Variants in PKD2 observed in about 807,000 individuals in gnomAD.
The protein encoded by PKD2 is polycystin-2.
In PKD2, 48 loss-of-function variants were observed where a neutral mutation model predicts 105.9. The ratio of observed to expected loss-of-function variants is 0.45; its 90% CI spans 0.36 to 0.58. PKD2 has a LOEUF of 0.58. Ranked by LOEUF, PKD2 falls within the 20% of genes least tolerant of loss-of-function variation. The pLI is 0.00. For synonymous variants in PKD2, 464 were observed against 481.1 expected, an observed-to-expected ratio of 0.96 and a Z score of 0.46; for missense variants, 1,078 against 1,255.3, an observed-to-expected ratio of 0.86 and a Z score of 2.13.
rs773576285 is a variant in PKD2, at chr4:88,074,976, T to G, written c.2670+17T>G. ...GTGGCCGAGGTCAGTAGTCATGAGCTGAAAACACCGCTGCTGAGCATGGTG... is the reference window on the plus strand; with the variant it reads ...GTGGCCGAGGTCAGTAGTCATGAGCGGAAAACACCGCTGCTGAGCATGGTG... On this transcript the variant is annotated intron_variant, in intron 14 of 14. Transcript: ENST00000237596. The G allele has an allele frequency of 6.2e-7, 1 of 1,613,314 alleles. No homozygotes were observed. Among genetic ancestry groups the G allele is most frequent in the South Asian group, 1.1e-5 (1 of 91,060 alleles).
intron 7 of PKD2, among the ~76,000 whole-genome samples, chr4:88,054,650 C>CT (rs1184325520): frequency 0.14 from 11,041 of 81,382 alleles, 1,405 homozygotes; most frequent in African/African-American, 0.41. Flanking sequence ...CATGACTCTA[C>CT]TTTTTTTTTT....
intron 9 of PKD2, among the ~76,000 whole-genome samples, chr4:88,060,542 G>A (rs912660887): frequency 2.0e-5 from 3 of 151,944 alleles, no homozygotes; most frequent in African/African-American, 7.3e-5. Context: ...CAGTACTGGG[G>A]TAAGGAAAAC....
At chr4:88,031,546 A>G (rs1187403991) in intron 2 of PKD2, among the ~76,000 whole-genome samples, 1 of 150,382 alleles carries the variant, frequency 6.6e-6, no homozygotes, top group Non-Finnish European at 1.5e-5. Context: ...TACTGTCTTT[A>G]TATATCTAGT....
In PKD2 at chr4:88,075,464, A is replaced by G. The variant is rs2110151535; in HGVS notation, c.2677A>G (p.Arg893Gly). 6.2e-7 allele frequency: 1 copy of G among 1,613,514 alleles called. No homozygotes were observed. The highest frequency in any genetic ancestry group is 2.2e-5 in the East Asian group (1 of 44,880). ...TTTCTTTTTCCCTTTTTAGGATGAA[A>G]GGCTGGGTCGTGACAGTGAAATCCA... ...RLLDGVAEDE[R>G]LGRDSEIHRE... The change falls in exon 15 of 15, where the codon AGG (arginine) becomes GGG (glycine). Residue 893 changes from arginine to glycine, a missense_variant. Transcript: ENST00000237596.
At position 88,060,710 on chromosome 4, in the gene PKD2, C is replaced by T. The variant is rs143804398; in HGVS notation, c.2020-1196C>T. 3.4e-3 allele frequency among the ~76,000 whole-genome samples: 521 copies of T among 152,020 alleles called. 3 individuals are homozygous for T. Among genetic ancestry groups the T allele is most frequent in the African/African-American group, 0.011 (475 of 41,474 alleles). On this transcript the variant is annotated intron_variant, in intron 9 of 14. Transcript: ENST00000237596. ...ACCTGATCTCCTGGATACAGTGCTTCGAGAAAGTTTGTTGTTGGAAATGCA... is the reference window on the plus strand; with the variant it reads ...ACCTGATCTCCTGGATACAGTGCTTTGAGAAAGTTTGTTGTTGGAAATGCA...
Position 88,007,816 on chromosome 4 carries a change from G to T in PKD2, c.83G>T (p.Arg28Leu). The T allele has an allele frequency of 8.5e-7, 1 of 1,173,706 alleles. No individual in the cohort carries two copies. The highest frequency in any genetic ancestry group is 1.0e-6 in the Non-Finnish European group (1 of 952,812). 72.7% of individuals were successfully genotyped at this position (1,173,706 alleles called of 1,614,324 possible). A position where few individuals can be genotyped will look rare whatever the true frequency, so the allele number is the denominator to read the frequency against. The change falls in exon 1 of 15, where the codon CGG (arginine) becomes CTG (leucine). Residue 28 changes from arginine to leucine, a missense_variant. Physicochemically the swap from Arg to Leu is moderately radical, Grantham distance 102. This residue lies in a region of PKD2 where 210 missense variants were observed against 187.9 expected (regional missense o/e 1.12). Coordinates refer to ENST00000237596, the MANE Select transcript of PKD2 (RefSeq NM_000297.4). ...PPAPRAPDPGRLMAGCAAVGA... is the reference protein window; with the variant it reads ...PPAPRAPDPGLLMAGCAAVGA... ...GCGCCCCGCGCGCCGGACCCGGGCC[G>T]GCTGATGGCTGGCTGCGCGGCCGTG...
chr4:88,046,962 T>C (rs1201547253), intron 6 of PKD2, 92 bp downstream of exon 6: 1 of 815,992 alleles, frequency 1.2e-6, no homozygotes, highest in Non-Finnish European at 2.2e-6. Flanking sequence ...GATCTTGATA[T>C]TCCCAAAAAA....
At chr4:88,016,546 C>T (rs1726567634) in intron 1 of PKD2, among the ~76,000 whole-genome samples, 1 of 152,164 alleles carries the variant, frequency 6.6e-6, no homozygotes, top group Admixed American at 6.5e-5. Context: ...TTCTCACCCA[C>T]CAGGATGTAA....
chr4:88,040,622 C>T (rs1727524205), intron 4 of PKD2, among the ~76,000 whole-genome samples: 1 of 152,196 alleles, frequency 6.6e-6, no homozygotes, highest in Non-Finnish European at 1.5e-5. Flanking sequence ...TTGCTTTTGA[C>T]ATCTCACCAG....
chr4:88,030,783 T>C (rs1325346127), intron 2 of PKD2, among the ~76,000 whole-genome samples: 1 of 152,240 alleles, frequency 6.6e-6, no homozygotes, highest in Non-Finnish European at 1.5e-5. Context: ...GGGATGCAGC[T>C]GTGCACCTCT....
At position 88,061,748 on chromosome 4, in the gene PKD2, A is replaced by T. The variant is rs531054074; in HGVS notation, c.2020-158A>T. ...GTGAGACTCTGTCTCAAAAAAAAAAATTTTTTTTTAAATAAATAAATAATA... is the reference window on the plus strand; with the variant it reads ...GTGAGACTCTGTCTCAAAAAAAAAATTTTTTTTTTAAATAAATAAATAATA... On this transcript the variant is annotated intron_variant, in intron 9 of 14. Coordinates refer to ENST00000237596, the MANE Select transcript of PKD2 (RefSeq NM_000297.4). Among the ~76,000 whole-genome samples, 386 of 147,282 alleles carry T rather than the reference A, an allele frequency of 2.6e-3. 1 individual carries two copies. The highest frequency in any genetic ancestry group is 8.4e-3 in the African/African-American group (340 of 40,362).
At chr4:88,047,031 G>T (rs1727800644) in intron 6 of PKD2, among the ~76,000 whole-genome samples, 161 bp downstream of exon 6, 1 of 152,120 alleles carries the variant, frequency 6.6e-6, no homozygotes, top group Admixed American at 6.5e-5. Context: ...TTCTCATTTT[G>T]CATGAGTAAC....
chr4:88,056,890 C>G (rs1309752916), intron 8 of PKD2, among the ~76,000 whole-genome samples: 4 of 152,192 alleles, frequency 2.6e-5, no homozygotes, highest in African/African-American at 9.6e-5. Flanking sequence ...GCACTGACAA[C>G]ACTTGGCCAC....
rs369678636 is a variant in PKD2 at position 88,074,822 on chromosome 4, C to T, written c.2533C>T (p.Arg845Ter). ...GTGTTTTCCTTGCAGCCTGGTGAGA[C>T]GAGTGGACCGGATGGAGCATTCCAT... ...SYEEFQVLVR[R>*]VDRMEHSIGS... The change falls in exon 14 of 15, where the codon CGA becomes TGA. Residue 845 changes from arginine (R) to a stop codon, truncating the protein, a stop_gained. Transcript: ENST00000237596. LOFTEE classifies it high-confidence loss of function. 3.1e-6 allele frequency: 5 copies of T among 1,613,878 alleles called. No individual in the cohort carries two copies. The highest frequency in any genetic ancestry group is 3.3e-5 in the Admixed American group (2 of 59,982).
At chr4:88,070,046 G>T (rs1437282992) in intron 13 of PKD2, among the ~76,000 whole-genome samples, 1 of 152,136 alleles carries the variant, frequency 6.6e-6, no homozygotes, top group Non-Finnish European at 1.5e-5. Flanking sequence ...TTACTATCTG[G>T]AGTCACTTGC....
chr4:88,046,881 G>C lies in PKD2; in HGVS notation c.1548+11G>C. 7.0e-7 allele frequency: 1 copy of C among 1,437,560 alleles called. No individual in the cohort carries two copies. Among genetic ancestry groups the C allele is most frequent in the Non-Finnish European group, 9.8e-7 (1 of 1,019,038 alleles). 89.1% of individuals were successfully genotyped at this position (1,437,560 alleles called of 1,614,324 possible). On this transcript the variant is annotated intron_variant, in intron 6 of 14. Coordinates refer to ENST00000237596, the MANE Select transcript of PKD2 (RefSeq NM_000297.4). ...GTTGTGATCGTTGTGGTAGGTTTGA[G>C]AACAACACCAAATTTCCTATTCTAT...
chr4:88,057,467 G>A (rs1343884171), intron 8 of PKD2, among the ~76,000 whole-genome samples: 6 of 139,134 alleles, frequency 4.3e-5, no homozygotes, highest in South Asian at 2.2e-4. Context: ...ATGGAGTCTC[G>A]TTCCATCGCC....
chr4:88,008,636 T>G (rs1429168606), intron 1 of PKD2, among the ~76,000 whole-genome samples: 1 of 144,944 alleles, frequency 6.9e-6, no homozygotes, highest in African/African-American at 2.6e-5. Context: ...CTGGGTTTTG[T>G]TTTTTTTTTT....
intron 1 of PKD2, among the ~76,000 whole-genome samples, chr4:88,018,584 A>G (rs2728113): frequency 0.09 from 13,653 of 152,202 alleles, 940 homozygotes; most frequent in East Asian, 0.26. Flanking sequence ...GTAACCAGCA[A>G]TGTGACTTTA....
Sources: gnomAD v4.1 joint callset for allele counts (sites outside exome capture counted in the v4.1 genomes callset) on GRCh38, gnomAD v4.1.1 for gene constraint, gnomAD v4.1.1 regional missense constraint, MANE v1.5 for transcripts, NCBI Gene and HGNC (gene_info 2026-07-23, HGNC 2026-07-21) for gene names.